IKZF1: variants seen among roughly 807,000 people sequenced by gnomAD.
The protein encoded by IKZF1 is IKAROS family zinc finger 1.
Under a neutral mutation model 51.7 loss-of-function variants are expected in IKZF1, and 10 were observed. That is an observed-to-expected ratio of 0.19 (90% CI 0.12 to 0.33). The LOEUF is 0.33. Ranked by LOEUF, IKZF1 falls within the 10% of genes least tolerant of loss-of-function variation. The probability of loss-of-function intolerance (pLI) is 1.00; values close to 1 mark genes in which losing one functional copy is unlikely to be tolerated. For synonymous variants in IKZF1, 280 were observed against 282.3 expected (o/e 0.99, Z 0.08); for missense variants, 484 against 707.5 (o/e 0.68, Z 3.58).
At chr7:50,334,402 T>C (rs1304698166) in intron 3 of IKZF1, among the ~76,000 whole-genome samples, 2 of 152,044 alleles carry the variant, frequency 1.3e-5, no homozygotes, top group Non-Finnish European at 2.9e-5. Context: ...GTGATGTATG[T>C]ATATGTATGT....
intron 1 of IKZF1, among the ~76,000 whole-genome samples, chr7:50,306,150 A>G (rs1412958264): frequency 1.3e-5 from 2 of 152,248 alleles, no homozygotes; most frequent in African/African-American, 4.8e-5. Context: ...TCACCTTCTT[A>G]CGCTGGCATC....
At chr7:50,387,606 T>C in intron 6 of IKZF1, 136 bp downstream of exon 6, 1 of 1,344,662 alleles carries the variant, frequency 7.4e-7, no homozygotes, top group Non-Finnish European at 9.7e-7. Context: ...AGGGAAGTTT[T>C]TGGCCAATAG....
At chr7:50,309,656 C>A (rs1330052684) in intron 1 of IKZF1, among the ~76,000 whole-genome samples, 1 of 152,154 alleles carries the variant, frequency 6.6e-6, no homozygotes, top group Admixed American at 6.5e-5. Context: ...TGAAAATGAA[C>A]AATGTGGTTT....
intron 3 of IKZF1, among the ~76,000 whole-genome samples, chr7:50,342,669 A>T (rs1189200345): frequency 1.3e-5 from 2 of 149,386 alleles, no homozygotes; most frequent in East Asian, 3.9e-4. Flanking sequence ...TTTTTCAAAG[A>T]GAGAAAGAGA....
chr7:50,317,537 C>T (rs367597526), intron 1 of IKZF1, among the ~76,000 whole-genome samples: 3 of 152,060 alleles, frequency 2.0e-5, no homozygotes, highest in Non-Finnish European at 2.9e-5. Context: ...GTCTGGCTTC[C>T]GTGTGCTGGT....
chr7:50,366,666 T>C (rs1222112298), intron 3 of IKZF1, among the ~76,000 whole-genome samples: 2 of 152,246 alleles, frequency 1.3e-5, no homozygotes, highest in African/African-American at 4.8e-5. Context: ...AGTTTTGTAC[T>C]CTATCACCCA....
intron 3 of IKZF1, chr7:50,328,924 T>G (rs1418025989): frequency 2.0e-5 from 3 of 151,830 alleles, no homozygotes; most frequent in Non-Finnish European, 4.4e-5. Flanking sequence ...ATACAAAAAA[T>G]TAGCCGGGCG....
chr7:50,373,053 A>ATTTGT (rs1408983388), intron 3 of IKZF1, among the ~76,000 whole-genome samples: 1 of 152,212 alleles, frequency 6.6e-6, no homozygotes, highest in Non-Finnish European at 1.5e-5. Flanking sequence ...TTCAGCCACC[A>ATTTGT]TTTGTCCAAT....
intron 1 of IKZF1, among the ~76,000 whole-genome samples, chr7:50,311,579 T>TA (rs1395207231): frequency 6.6e-6 from 1 of 152,234 alleles, no homozygotes; most frequent in Non-Finnish European, 1.5e-5. Flanking sequence ...CTAAATAAAA[T>TA]ATAGCTTTTG....
intron 3 of IKZF1, among the ~76,000 whole-genome samples, chr7:50,359,978 A>G (rs1393082761): frequency 6.6e-6 from 1 of 152,142 alleles, no homozygotes; most frequent in Non-Finnish European, 1.5e-5. Flanking sequence ...GTATTACACA[A>G]ATACCCCTTC....
chr7:50,350,487 AAGAG>A (rs1409970878), intron 3 of IKZF1, among the ~76,000 whole-genome samples: 2 of 152,168 alleles, frequency 1.3e-5, no homozygotes, highest in Admixed American at 1.3e-4. Context: ...CTGATTTTGA[AAGAG>A]AGTTTGCTGC....
chr7:50,365,092 T>TA (rs1806468094), intron 3 of IKZF1, among the ~76,000 whole-genome samples: 3 of 152,234 alleles, frequency 2.0e-5, no homozygotes, highest in Non-Finnish European at 4.4e-5. Context: ...TCAAGCATCA[T>TA]AAAAACAGCT....
chr7:50,323,705 G>A (rs561254078), intron 2 of IKZF1, among the ~76,000 whole-genome samples: 24 of 152,160 alleles, frequency 1.6e-4, no homozygotes, highest in East Asian at 1.3e-3. Context: ...TGCTGTCTCC[G>A]TCTCTGTGTG....
At position 50,400,643 on chromosome 7, in the gene IKZF1, C is replaced by G; in HGVS notation, c.*16C>G. ...CATGAGCTAAAGCCCTCCCGCGCCC[C>G]CACCCCAGACCCCGAGCCACCCCAG... On this transcript the variant is annotated 3_prime_UTR_variant, in exon 8 of 8. Coordinates refer to ENST00000331340, the MANE Select transcript of IKZF1 (RefSeq NM_006060.6). This position sits in a 1 kb window ranked among gnomAD's most constrained non-coding sequence, Gnocchi z 5.4. The G allele has an allele frequency of 6.3e-7, 1 of 1,594,322 alleles. No homozygotes were observed. The highest frequency in any genetic ancestry group is 8.5e-7 in the Non-Finnish European group (1 of 1,175,740).
At position 50,400,274 on chromosome 7, in the gene IKZF1, A is replaced by T. The variant is rs1817812883; in HGVS notation, c.1207A>T (p.Asn403Tyr). 1 of 1,612,534 alleles carries T rather than the reference A, an allele frequency of 6.2e-7. No individual in the cohort carries two copies. The highest frequency in any genetic ancestry group is 8.5e-7 in the Non-Finnish European group (1 of 1,179,624). ...CCAAGACTCCACGGACACCGAGAGC[A>T]ACAACGAGGAGCAGCGCAGCGGTCT... ...SCQDSTDTES[N>Y]NEEQRSGLIY... The change falls in exon 8 of 8, where the codon AAC becomes TAC. Residue 403 changes from asparagine to tyrosine, a missense_variant. Asn to Tyr is a moderately radical substitution (Grantham distance 143). This residue lies in a region of IKZF1 where 27 missense variants were observed against 56.8 expected (regional missense o/e 0.48). Coordinates refer to ENST00000331340, the MANE Select transcript of IKZF1 (RefSeq NM_006060.6). The surrounding 1 kb of genome is among the most constrained non-coding windows in gnomAD (Gnocchi z 5.4).
intron 5 of IKZF1, among the ~76,000 whole-genome samples, chr7:50,386,027 T>A (rs545576280): frequency 6.6e-6 from 1 of 152,366 alleles, no homozygotes; most frequent in African/African-American, 2.4e-5. Flanking sequence ...TCTATTTGGA[T>A]GCTCTTAACT....
intron 3 of IKZF1, among the ~76,000 whole-genome samples, chr7:50,333,181 C>G (rs1796796336): frequency 2.0e-5 from 3 of 151,764 alleles, no homozygotes. Context: ...TTTATTCATT[C>G]AATTGAAGTA....
intron 3 of IKZF1, among the ~76,000 whole-genome samples, chr7:50,359,390 G>C (rs1804533062): frequency 6.6e-6 from 1 of 152,246 alleles, no homozygotes; most frequent in African/African-American, 2.4e-5. Flanking sequence ...GAGTCTTGTA[G>C]AGACCAGATC....
intron 3 of IKZF1, among the ~76,000 whole-genome samples, chr7:50,343,436 G>A (rs1237847199): frequency 6.6e-6 from 1 of 152,068 alleles, no homozygotes; most frequent in Non-Finnish European, 1.5e-5. Flanking sequence ...AGTGCCATCA[G>A]GCACACCATC....
Sources: allele counts gnomAD v4.1 joint callset (sites outside exome capture counted in the v4.1 genomes callset), GRCh38; gene constraint gnomAD v4.1.1; regional missense constraint gnomAD v4.1.1; non-coding constraint Gnocchi (gnomAD v3.1); transcripts MANE v1.5; gene names NCBI Gene and HGNC (gene_info 2026-07-23, HGNC 2026-07-21).